The following CHRM3 variants were observed in gnomAD, a reference collection of about 807,000 sequenced individuals.
CHRM3 encodes cholinergic receptor muscarinic 3, also known as muscarinic acetylcholine receptor M3.
In CHRM3, 11 loss-of-function variants were observed where a neutral mutation model predicts 41.8. The ratio of observed to expected loss-of-function variants is 0.26; its 90% confidence interval spans 0.17 to 0.44. CHRM3 has a LOEUF of 0.44. Ranked by LOEUF, CHRM3 falls within the 20% of genes least tolerant of loss-of-function variation. The pLI is 1.00. For synonymous variants in CHRM3, 297 were observed against 301.4 expected (o/e 0.99, Z 0.15); for missense variants, 571 against 745.4 (o/e 0.77, Z 2.72).
intron 3 of CHRM3, among the ~76,000 whole-genome samples, chr1:239,598,214 G>A (rs147744171): frequency 7.2e-5 from 11 of 152,118 alleles, no homozygotes; most frequent in African/African-American, 2.2e-4. Flanking sequence ...GGTTGTTATT[G>A]TTCTCCTATT....
intron 1 of CHRM3, among the ~76,000 whole-genome samples, chr1:239,435,033 G>C (rs1663124274): frequency 6.6e-6 from 1 of 152,146 alleles, no homozygotes; most frequent in Non-Finnish European, 1.5e-5. Flanking sequence ...ATTGTTCCCA[G>C]TTCCTTTCTA....
intron 6 of CHRM3, among the ~76,000 whole-genome samples, chr1:239,842,985 A>G (rs114515998): frequency 0.032 from 4,798 of 152,150 alleles, 102 homozygotes; most frequent in Non-Finnish European, 0.041. Flanking sequence ...TGCTGTGATC[A>G]TCTTGCTCTT....
intron 1 of CHRM3, among the ~76,000 whole-genome samples, chr1:239,484,493 C>G: frequency 6.6e-6 from 1 of 152,124 alleles, no homozygotes; most frequent in East Asian, 1.9e-4. Flanking sequence ...AATATCCAAA[C>G]CACATCACCA....
intron 4 of CHRM3, among the ~76,000 whole-genome samples, chr1:239,657,571 A>G (rs1672825520): frequency 6.6e-6 from 1 of 152,230 alleles, no homozygotes; most frequent in Non-Finnish European, 1.5e-5. Context: ...ACTCTTCCAC[A>G]AGGTTGCTAC....
intron 4 of CHRM3, among the ~76,000 whole-genome samples, chr1:239,646,225 ATAGCTAT>A (rs1288033947): frequency 6.6e-6 from 1 of 152,222 alleles, no homozygotes; most frequent in Non-Finnish European, 1.5e-5. Flanking sequence ...TTTCAGCAGA[ATAGCTAT>A]TCAATTCCTG....
intron 2 of CHRM3, among the ~76,000 whole-genome samples, chr1:239,512,451 C>A (rs1668986351): frequency 6.6e-6 from 1 of 152,162 alleles, no homozygotes; most frequent in Admixed American, 6.5e-5. Context: ...GCCTCCAGAT[C>A]CTTTCTCTGA....
intron 1 of CHRM3, among the ~76,000 whole-genome samples, chr1:239,396,770 G>C (rs949227275): frequency 1.3e-5 from 2 of 152,104 alleles, no homozygotes; most frequent in Non-Finnish European, 2.9e-5. Context: ...TTGATGTCAC[G>C]ACAGGATTGC....
chr1:239,460,391 C>T (rs1241699561), intron 1 of CHRM3, among the ~76,000 whole-genome samples: 1 of 152,108 alleles, frequency 6.6e-6, no homozygotes, highest in Non-Finnish European at 1.5e-5. Flanking sequence ...ATGACACCTT[C>T]TCTATTAGGA....
At chr1:239,839,009 G>A (rs898200607) in intron 6 of CHRM3, among the ~76,000 whole-genome samples, 1 of 152,176 alleles carries the variant, frequency 6.6e-6, no homozygotes, top group Non-Finnish European at 1.5e-5. Flanking sequence ...ATGAAGACAG[G>A]TAAAAAGAAG....
At chr1:239,407,438 A>AGAGAGAGAGAGAGC in intron 1 of CHRM3, among the ~76,000 whole-genome samples, 1 of 150,802 alleles carries the variant, frequency 6.6e-6, no homozygotes, top group Non-Finnish European at 1.5e-5. Context: ...AGAGAGAGAG[A>AGAGAGAGAGAGAGC]GAGCGCTAAA....
At chr1:239,725,952 T>C (rs1663398501) in intron 5 of CHRM3, among the ~76,000 whole-genome samples, 1 of 151,954 alleles carries the variant, frequency 6.6e-6, no homozygotes, top group Non-Finnish European at 1.5e-5. Context: ...GTCTTTAAAC[T>C]GCCCCATACT....
At chr1:239,495,492 C>A (rs1456382086) in intron 2 of CHRM3, among the ~76,000 whole-genome samples, 1 of 152,202 alleles carries the variant, frequency 6.6e-6, no homozygotes, top group Admixed American at 6.5e-5. Flanking sequence ...CCCTAAAATG[C>A]TTCTGTTTAC....
intron 5 of CHRM3, among the ~76,000 whole-genome samples, chr1:239,803,822 G>A (rs115560294): frequency 6.6e-6 from 1 of 152,184 alleles, no homozygotes; most frequent in African/African-American, 2.4e-5. Flanking sequence ...AAGTGAAGCA[G>A]AATAGTGGGT....
At chr1:239,518,874 A>G (rs1054578841) in intron 2 of CHRM3, among the ~76,000 whole-genome samples, 6 of 152,222 alleles carry the variant, frequency 3.9e-5, no homozygotes, top group Non-Finnish European at 8.8e-5. Flanking sequence ...CAGACTAGTG[A>G]ACTAATGTAT....
In CHRM3 at chr1:239,479,190, C is replaced by CCACATACA. The variant is rs71567247; in HGVS notation, c.-520-13515_-520-13514insTACACACA. Among the ~76,000 whole-genome samples, 660 of 139,984 alleles carry CCACATACA rather than the reference C, an allele frequency of 4.7e-3. 5 individuals are homozygous for CCACATACA. Among genetic ancestry groups the CCACATACA allele is most frequent in the Middle Eastern group, 0.04 (11 of 276 alleles). 91.8% of individuals were successfully genotyped at this position (139,984 alleles called of 152,430 possible). A position where few individuals can be genotyped will look rare whatever the true frequency, so the allele number is the denominator to read the frequency against. ...CAGAGTGAAACTCCATTTCAAAAAA[C>CCACATACA]CACACACACACACACACACACACAC... On this transcript the variant is annotated intron_variant, in intron 1 of 6. Transcript: ENST00000676153.
At chr1:239,688,736 T>TTA (rs1375625476) in intron 5 of CHRM3, among the ~76,000 whole-genome samples, 1 of 135,578 alleles carries the variant, frequency 7.4e-6, no homozygotes, top group African/African-American at 2.7e-5. Flanking sequence ...ATATATAATA[T>TTA]TATATATAAT....
At chr1:239,567,166 C>T (rs149857768) in intron 3 of CHRM3, among the ~76,000 whole-genome samples, 212 of 152,096 alleles carry the variant, frequency 1.4e-3, no homozygotes, top group Middle Eastern at 3.4e-3. Flanking sequence ...ATCTATTAAC[C>T]TATCTAGAAC....
intron 1 of CHRM3, among the ~76,000 whole-genome samples, chr1:239,450,852 G>A (rs1664506222): frequency 6.6e-6 from 1 of 152,214 alleles, no homozygotes; most frequent in South Asian, 2.1e-4. Context: ...TCAAGGAGCT[G>A]TATCAGTTTT....
intron 5 of CHRM3, among the ~76,000 whole-genome samples, chr1:239,730,761 G>A (rs1169539468): frequency 6.6e-6 from 1 of 151,882 alleles, no homozygotes; most frequent in Non-Finnish European, 1.5e-5. Flanking sequence ...TTCTATTTTA[G>A]AAATTTTGAA....
Sources: allele counts gnomAD v4.1 joint callset (sites outside exome capture counted in the v4.1 genomes callset), GRCh38; gene constraint gnomAD v4.1.1; transcripts MANE v1.5; gene names NCBI Gene and HGNC (gene_info 2026-07-23, HGNC 2026-07-21).